USH2A: variants seen among roughly 807,000 people sequenced by gnomAD.
USH2A encodes the protein usherin, also known as Usher syndrome 2A (autosomal recessive, mild).
Under a neutral mutation model 538.9 loss-of-function variants are expected in USH2A, and 443 were observed. The ratio of observed to expected loss-of-function variants is 0.82; its 90% CI spans 0.76 to 0.89. The LOEUF (loss-of-function observed/expected upper bound fraction) is 0.89, where lower values mean the gene tolerates loss of function less well. Ranked by LOEUF, USH2A falls within the 40% of genes least tolerant of loss-of-function variation. The probability of loss-of-function intolerance (pLI) is 0.00; values close to 1 mark genes in which losing one functional copy is unlikely to be tolerated. For synonymous variants in USH2A, 2,413 were observed against 2,273.5 expected, an observed-to-expected ratio of 1.06 and a Z score of -1.75; for missense variants, 6,633 against 6,324.8, an observed-to-expected ratio of 1.05 and a Z score of -1.65.
chr1:216,097,329 T>C (rs1464430782), intron 21 of USH2A, 116 bp from the exon 22 acceptor site: 3 of 1,559,110 alleles, frequency 1.9e-6, no homozygotes, highest in Non-Finnish European at 2.6e-6. Context: ...CAGGAAATTA[T>C]ACACAGCAAT....
At chr1:215,627,445 C>CTTCCTTCT (rs1656087845) in intron 71 of USH2A, among the ~76,000 whole-genome samples, 2 of 78,740 alleles carry the variant, frequency 2.5e-5, no homozygotes, top group African/African-American at 4.7e-5. Context: ...TCCTTCCTTC[C>CTTCCTTCT]TTCCTTCCTT....
chr1:216,384,840 G>T (rs2038978921), intron 3 of USH2A, among the ~76,000 whole-genome samples: 1 of 152,170 alleles, frequency 6.6e-6, no homozygotes, highest in African/African-American at 2.4e-5. Context: ...GGCTAGGCTA[G>T]AAGTGAAGAA....
intron 70 of USH2A, among the ~76,000 whole-genome samples, chr1:215,631,442 C>G (rs2102628226): frequency 6.6e-6 from 1 of 152,318 alleles, no homozygotes; most frequent in East Asian, 1.9e-4. Context: ...ACAAATTGTA[C>G]TCTCTTTAGT....
At chr1:215,884,507 T>A (rs1188632201) in intron 41 of USH2A, among the ~76,000 whole-genome samples, 1 of 152,230 alleles carries the variant, frequency 6.6e-6, no homozygotes, top group Non-Finnish European at 1.5e-5. Context: ...TAATCCCTCA[T>A]TCTCAGTTTT....
At chr1:216,367,256 G>A (rs961588087) in intron 3 of USH2A, among the ~76,000 whole-genome samples, 1 of 152,158 alleles carries the variant, frequency 6.6e-6, no homozygotes, top group Non-Finnish European at 1.5e-5. Context: ...ATTAACACTA[G>A]CATGACAGTT....
At chr1:215,712,346 C>T (rs6683025) in intron 61 of USH2A, among the ~76,000 whole-genome samples, 2,073 of 152,226 alleles carry the variant, frequency 0.014, 36 homozygotes, top group African/African-American at 0.047. Flanking sequence ...TTGTTCTTTC[C>T]CTCAAGTTCT....
chr1:216,384,083 T>C (rs971607420), intron 3 of USH2A, among the ~76,000 whole-genome samples: 15 of 151,850 alleles, frequency 9.9e-5, no homozygotes, highest in African/African-American at 3.6e-4. Context: ...AACCAATTAT[T>C]TTTTTCTGTC....
intron 70 of USH2A, chr1:215,630,158 G>C (rs1285851231): frequency 5.9e-6 from 3 of 512,400 alleles, no homozygotes; most frequent in Non-Finnish European, 1.2e-5. Context: ...CCATGCAAAA[G>C]ATCATGCATT....
At chr1:215,864,129 A>C (rs900644545) in intron 44 of USH2A, among the ~76,000 whole-genome samples, 2 of 152,160 alleles carry the variant, frequency 1.3e-5, no homozygotes, top group Non-Finnish European at 2.9e-5. Flanking sequence ...CTTCTATTTT[A>C]GACTGAGCAG....
chr1:216,348,747 A>G (rs1384222688), intron 4 of USH2A, among the ~76,000 whole-genome samples: 2 of 152,156 alleles, frequency 1.3e-5, no homozygotes, highest in Non-Finnish European at 2.9e-5. Flanking sequence ...TTCAAAAACT[A>G]TGGTACACCT....
Position 216,124,809 on chromosome 1 carries a change from A to C in USH2A, c.4628-27596T>G, listed in dbSNP as rs369144600. On this transcript the variant is annotated intron_variant, in intron 21 of 71. Coordinates refer to ENST00000307340, the MANE Select transcript of USH2A (RefSeq NM_206933.4). ...TGGTGACCTTCTCCTGAAGGGACAC[A>C]CCAAAAATTCAGTTTAATTAAGGGT... 5.3e-5 allele frequency among the ~76,000 whole-genome samples: 8 copies of C among 152,330 alleles called. No individual in the cohort carries two copies. In the East Asian group the frequency reaches 1.5e-3, roughly 29 times the overall value.
At chr1:215,836,496 ATAATATATAT>A (rs1417434143) in intron 47 of USH2A, among the ~76,000 whole-genome samples, 312 of 15,502 alleles carry the variant, frequency 0.02, 16 homozygotes, top group African/African-American at 0.043. Context: ...TATTATATAT[ATAATATATAT>A]TATATATATA....
At chr1:216,267,313 T>C (rs2036492283) in intron 11 of USH2A, among the ~76,000 whole-genome samples, 1 of 152,046 alleles carries the variant, frequency 6.6e-6, no homozygotes, top group Non-Finnish European at 1.5e-5. Context: ...ACAAGAAAAG[T>C]TGCAAAGTAA....
At chr1:215,662,479 G>T (rs974971963) in intron 64 of USH2A, among the ~76,000 whole-genome samples, 2 of 152,194 alleles carry the variant, frequency 1.3e-5, no homozygotes. Context: ...AGTCCTAAGG[G>T]TTGCCATGAG....
intron 32 of USH2A, among the ~76,000 whole-genome samples, chr1:216,006,992 G>GTGGGAGAT (rs1431743292): frequency 1.3e-5 from 2 of 152,162 alleles, no homozygotes; most frequent in African/African-American, 4.8e-5. Flanking sequence ...GAGGGACCCG[G>GTGGGAGAT]TGGGAGATAA....
intron 44 of USH2A, among the ~76,000 whole-genome samples, chr1:215,861,538 C>T (rs1369608817): frequency 1.3e-5 from 2 of 152,178 alleles, no homozygotes; most frequent in African/African-American, 4.8e-5. Context: ...TTTTGGATCT[C>T]TTTGGGTGTT....
chr1:215,788,802 T>A (rs543648591), intron 51 of USH2A, among the ~76,000 whole-genome samples: 1 of 152,300 alleles, frequency 6.6e-6, no homozygotes, highest in African/African-American at 2.4e-5. Flanking sequence ...AAACTATCAA[T>A]CCTGTTGGAG....
chr1:216,060,047 A>G (rs962179603), intron 30 of USH2A, among the ~76,000 whole-genome samples: 1 of 152,138 alleles, frequency 6.6e-6, no homozygotes, highest in African/African-American at 2.4e-5. Context: ...TTTTTCTGGC[A>G]GCAAAGCTAA....
chr1:215,918,420 T>C (rs1400383649), intron 38 of USH2A, among the ~76,000 whole-genome samples: 7 of 152,194 alleles, frequency 4.6e-5, no homozygotes, highest in African/African-American at 1.7e-4. Flanking sequence ...GGGAGACTTC[T>C]CACCCCTTCT....
Sources: allele counts gnomAD v4.1 joint callset (sites outside exome capture counted in the v4.1 genomes callset), GRCh38; gene constraint gnomAD v4.1.1; transcripts MANE v1.5; gene names NCBI Gene and HGNC (gene_info 2026-07-23, HGNC 2026-07-21).